Variants in LHFPL6 observed in about 807,000 individuals in gnomAD.
LHFPL6 encodes LHFPL tetraspan subfamily member 6 protein.
A neutral mutation model predicts 20.6 loss-of-function variants in LHFPL6; 9 were observed. The ratio of observed to expected loss-of-function variants is 0.44; its 90% CI spans 0.26 to 0.76. The LOEUF (loss-of-function observed/expected upper bound fraction) is 0.76. Among genes scored for constraint, LHFPL6 ranks in the 30% least tolerant of loss-of-function variants. The pLI is 0.20. For synonymous variants in LHFPL6, 105 were observed against 98.7 expected (o/e 1.06, Z -0.38); for missense variants, 218 against 253.5 (o/e 0.86, Z 0.95).
At chr13:39,387,818 G>A (rs1870606101) in intron 2 of LHFPL6, among the ~76,000 whole-genome samples, 1 of 152,144 alleles carries the variant, frequency 6.6e-6, no homozygotes, top group Non-Finnish European at 1.5e-5. Context: ...AGGAGGAATG[G>A]GGTAGAAGAT....
chr13:39,597,008 G>A (rs1872791249), intron 2 of LHFPL6, among the ~76,000 whole-genome samples: 1 of 152,120 alleles, frequency 6.6e-6, no homozygotes, highest in African/African-American at 2.4e-5. Flanking sequence ...ATAGAGCAAG[G>A]GATGCTCAAA....
intron 2 of LHFPL6, among the ~76,000 whole-genome samples, chr13:39,524,824 G>T (rs1870237136): frequency 6.6e-6 from 1 of 152,278 alleles, no homozygotes; most frequent in South Asian, 2.1e-4. Flanking sequence ...CTACTTTTGT[G>T]CTAAATGTTA....
intron 2 of LHFPL6, among the ~76,000 whole-genome samples, chr13:39,516,272 A>G (rs9566448): frequency 0.87 from 132,294 of 152,234 alleles, 57,652 homozygotes; most frequent in Middle Eastern, 0.93. Flanking sequence ...TCATGCCCCT[A>G]AAATGAAGTA....
intron 2 of LHFPL6, among the ~76,000 whole-genome samples, chr13:39,557,730 T>A (rs568091274): frequency 6.6e-6 from 1 of 152,236 alleles, no homozygotes; most frequent in Non-Finnish European, 1.5e-5. Context: ...TGAGGCCTCA[T>A]GGGAGGTGTC....
At chr13:39,506,264 C>G (rs987311414) in intron 2 of LHFPL6, among the ~76,000 whole-genome samples, 4 of 152,156 alleles carry the variant, frequency 2.6e-5, no homozygotes, top group African/African-American at 7.2e-5. Context: ...CAAGAAGAGG[C>G]TACCATAAAA....
chr13:39,540,841 G>A (rs997960885), intron 2 of LHFPL6, among the ~76,000 whole-genome samples: 2 of 152,078 alleles, frequency 1.3e-5, no homozygotes, highest in African/African-American at 4.8e-5. Flanking sequence ...ATAAAGAACA[G>A]TTTACCAAAG....
chr13:39,574,589 C>T (rs750218630), intron 2 of LHFPL6, among the ~76,000 whole-genome samples: 6 of 151,854 alleles, frequency 4.0e-5, no homozygotes, highest in Admixed American at 6.6e-5. Flanking sequence ...GATTATTCAA[C>T]GATTTTTGCG....
intron 2 of LHFPL6, among the ~76,000 whole-genome samples, chr13:39,437,192 T>C (rs532604218): frequency 6.6e-6 from 1 of 152,346 alleles, no homozygotes; most frequent in South Asian, 2.1e-4. Context: ...TCCTTATACA[T>C]CATTATAATG....
At chr13:39,527,330 ATGT>A (rs1870321488) in intron 2 of LHFPL6, among the ~76,000 whole-genome samples, 1 of 152,110 alleles carries the variant, frequency 6.6e-6, no homozygotes, top group South Asian at 2.1e-4. Context: ...ACCTAAGGTG[ATGT>A]GCTTCAACTA....
At chr13:39,387,896 T>G (rs1279143991) in intron 2 of LHFPL6, among the ~76,000 whole-genome samples, 1 of 152,174 alleles carries the variant, frequency 6.6e-6, no homozygotes, top group Non-Finnish European at 1.5e-5. Flanking sequence ...AGTCTCCCAC[T>G]GCTGCCTGTG....
At chr13:39,565,150 C>T (rs1170268717) in intron 2 of LHFPL6, among the ~76,000 whole-genome samples, 6 of 152,068 alleles carry the variant, frequency 3.9e-5, no homozygotes, top group Admixed American at 3.3e-4. Flanking sequence ...AATAAGCTTG[C>T]CATCTATATC....
At chr13:39,539,330 C>T (rs945601642) in intron 2 of LHFPL6, among the ~76,000 whole-genome samples, 3 of 151,638 alleles carry the variant, frequency 2.0e-5, no homozygotes, top group African/African-American at 7.3e-5. Flanking sequence ...AAAAAAGCAA[C>T]ATGCTTATAA....
At chr13:39,591,720 A>C (rs1872596755) in intron 2 of LHFPL6, among the ~76,000 whole-genome samples, 1 of 152,198 alleles carries the variant, frequency 6.6e-6, no homozygotes, top group Non-Finnish European at 1.5e-5. Flanking sequence ...CCTTCCCAGC[A>C]GTCTCTCTGG....
intron 2 of LHFPL6, among the ~76,000 whole-genome samples, chr13:39,440,754 C>G (rs954228020): frequency 6.6e-6 from 1 of 152,124 alleles, no homozygotes; most frequent in Non-Finnish European, 1.5e-5. Context: ...CCACCCTAAT[C>G]TCATCTTGAA....
At chr13:39,591,911 C>G (rs531395205) in intron 2 of LHFPL6, among the ~76,000 whole-genome samples, 1 of 152,096 alleles carries the variant, frequency 6.6e-6, no homozygotes, top group African/African-American at 2.4e-5. Context: ...GCCTGGCCAA[C>G]AAGGTGAAAC....
At chr13:39,348,364 C>A (rs1593280086) in intron 3 of LHFPL6, among the ~76,000 whole-genome samples, 1 of 152,130 alleles carries the variant, frequency 6.6e-6, no homozygotes, top group East Asian at 1.9e-4. Flanking sequence ...CTGAAGTGCC[C>A]CCTGGTGTGA....
At chr13:39,393,672 C>T (rs1412549936) in intron 2 of LHFPL6, among the ~76,000 whole-genome samples, 1 of 152,156 alleles carries the variant, frequency 6.6e-6, no homozygotes, top group African/African-American at 2.4e-5. Flanking sequence ...ACGTAGTAGC[C>T]AAAAGGAACC....
chr13:39,562,441 T>TATATACACATATACAC (rs1555268246), intron 2 of LHFPL6, among the ~76,000 whole-genome samples: 3 of 99,152 alleles, frequency 3.0e-5, no homozygotes, highest in Admixed American at 1.0e-4. Context: ...CATATATACA[T>TATATACACATATACAC]ATATACACAT....
At chr13:39,434,545 T>G (rs565581596) in intron 2 of LHFPL6, among the ~76,000 whole-genome samples, 2 of 152,280 alleles carry the variant, frequency 1.3e-5, no homozygotes, top group East Asian at 3.9e-4. Flanking sequence ...TTAAATTGTT[T>G]TTAAACTTGC....
Sources: allele counts gnomAD v4.1 joint callset (sites outside exome capture counted in the v4.1 genomes callset), GRCh38; gene constraint gnomAD v4.1.1; transcripts MANE v1.5; gene names NCBI Gene and HGNC (gene_info 2026-07-23, HGNC 2026-07-21).